The following BLTP3B variants were observed in gnomAD, a reference collection of about 807,000 sequenced individuals.
The protein encoded by BLTP3B is UHRF1 (ICBP90) binding protein 1-like.
At chr12:100,102,904 T>C in the BLTP3B span, 1 of 1,126,182 alleles carries the variant, frequency 8.9e-7, no homozygotes, top group Admixed American at 2.5e-5. Flanking sequence ...TTATTCTACG[T>C]ATATTATTAA....
the BLTP3B span, among the ~76,000 whole-genome samples, chr12:100,083,636 T>C: frequency 6.6e-6 from 1 of 151,970 alleles, no homozygotes; most frequent in Non-Finnish European, 1.5e-5. Context: ...CTTTTAGTGT[T>C]ATACGTTTGT....
the BLTP3B span, among the ~76,000 whole-genome samples, chr12:100,041,840 C>G: frequency 6.6e-6 from 1 of 152,078 alleles, no homozygotes; most frequent in African/African-American, 2.4e-5. Context: ...AAGTAAAATT[C>G]TCTCTACTAA....
At chr12:100,116,747 A>G in the BLTP3B span, among the ~76,000 whole-genome samples, 2 of 152,190 alleles carry the variant, frequency 1.3e-5, no homozygotes, top group Non-Finnish European at 2.9e-5. Flanking sequence ...TAGCCAACAC[A>G]ATAAGGTAAG....
At chr12:100,130,161 T>C in the BLTP3B span, among the ~76,000 whole-genome samples, 4 of 152,320 alleles carry the variant, frequency 2.6e-5, no homozygotes, top group African/African-American at 4.8e-5. Context: ...GGTTTCACCA[T>C]GTTGGCCAGG....
At chr12:100,116,926 T>C in the BLTP3B span, among the ~76,000 whole-genome samples, 1 of 152,098 alleles carries the variant, frequency 6.6e-6, no homozygotes, top group Non-Finnish European at 1.5e-5. Context: ...AATAAATCAG[T>C]TGAAGGGACA....
chr12:100,100,343 C>T, the BLTP3B span, among the ~76,000 whole-genome samples: 3 of 151,386 alleles, frequency 2.0e-5, no homozygotes, highest in Admixed American at 1.3e-4. Context: ...TAAAAAAACG[C>T]TCTTCTCATT....
the BLTP3B span, among the ~76,000 whole-genome samples, chr12:100,120,017 T>A: frequency 1.3e-5 from 2 of 152,244 alleles, no homozygotes; most frequent in African/African-American, 2.4e-5. Context: ...AAGCATATAT[T>A]TGAAAAAAGA....
the BLTP3B span, among the ~76,000 whole-genome samples, chr12:100,113,054 C>T: frequency 6.6e-6 from 1 of 151,902 alleles, no homozygotes; most frequent in Non-Finnish European, 1.5e-5. Context: ...ATCTGTAGTC[C>T]CAGCTACCCA....
chr12:100,063,518 C>G, the BLTP3B span, among the ~76,000 whole-genome samples: 1 of 152,016 alleles, frequency 6.6e-6, no homozygotes, highest in Non-Finnish European at 1.5e-5. Context: ...ACCAGCCTGA[C>G]CAACACAGAG....
the BLTP3B span, among the ~76,000 whole-genome samples, chr12:100,124,936 T>TTATATATATATATATA: frequency 3.1e-3 from 174 of 56,424 alleles, 4 homozygotes; most frequent in Non-Finnish European, 4.0e-3. Context: ...AAAAAAAATT[T>TTATATATATATATATA]TATATATATA....
chr12:100,138,649 C>T, the BLTP3B span, among the ~76,000 whole-genome samples: 69 of 152,328 alleles, frequency 4.5e-4, no homozygotes, highest in East Asian at 0.01. Context: ...ATGACTCCAC[C>T]GAGGTGAGGT....
the BLTP3B span, among the ~76,000 whole-genome samples, chr12:100,107,011 G>A: frequency 2.6e-4 from 40 of 152,154 alleles, no homozygotes; most frequent in South Asian, 1.0e-3. Flanking sequence ...GAGGTCAGCC[G>A]GGCACGGTGG....
chr12:100,080,120 G>A, the BLTP3B span, among the ~76,000 whole-genome samples: 1 of 152,176 alleles, frequency 6.6e-6, no homozygotes, highest in Non-Finnish European at 1.5e-5. Flanking sequence ...GGAAATGTGG[G>A]GTCAAAGCCC....
chr12:100,038,098 T>C, the BLTP3B span, among the ~76,000 whole-genome samples: 2 of 152,352 alleles, frequency 1.3e-5, no homozygotes, highest in Non-Finnish European at 2.9e-5. Context: ...CTGGCTTTTA[T>C]GCCACAGCTG....
the BLTP3B span, chr12:100,051,752 A>G: frequency 6.6e-6 from 1 of 152,360 alleles, no homozygotes; most frequent in East Asian, 1.9e-4. Flanking sequence ...TGATAAAATA[A>G]TATTTCCACT....
the BLTP3B span, chr12:100,072,725 G>A: frequency 6.2e-7 from 1 of 1,602,306 alleles, no homozygotes; most frequent in Non-Finnish European, 8.5e-7. Context: ...TATATAGACA[G>A]CTGACATTTC....
At chr12:100,137,679 T>C in the BLTP3B span, among the ~76,000 whole-genome samples, 1 of 152,144 alleles carries the variant, frequency 6.6e-6, no homozygotes, top group Admixed American at 6.6e-5. Flanking sequence ...ACCCCAGATA[T>C]TGCTCCTAAA....
At chr12:100,084,368 A>G in the BLTP3B span, 1 of 1,158,316 alleles carries the variant, frequency 8.6e-7, no homozygotes. Flanking sequence ...ATTTACAGGA[A>G]ATACTATGAT....
At chr12:100,096,782 C>T in the BLTP3B span, among the ~76,000 whole-genome samples, 7 of 151,894 alleles carry the variant, frequency 4.6e-5, no homozygotes, top group African/African-American at 1.7e-4. Flanking sequence ...GATTGTCCCA[C>T]TGCACTCCAG....
Sources: gnomAD v4.1 joint callset for allele counts (sites outside exome capture counted in the v4.1 genomes callset) on GRCh38, gnomAD v4.1.1 for gene constraint, MANE v1.5 for transcripts, NCBI Gene and HGNC (gene_info 2026-07-23, HGNC 2026-07-21) for gene names.